APPBP2: variants seen among roughly 807,000 people sequenced by gnomAD.
The protein encoded by APPBP2 is amyloid beta precursor protein binding protein 2.
APPBP2 carries 15 observed loss-of-function variants against 76.0 expected under a neutral mutation model. The ratio of observed to expected loss-of-function variants is 0.20; its 90% CI spans 0.13 to 0.30. APPBP2 has a LOEUF of 0.30. APPBP2 is among the 10% of genes least tolerant of loss of function. The pLI is 1.00. For synonymous variants in APPBP2, 222 were observed against 242.2 expected, an observed-to-expected ratio of 0.92 and a Z score of 0.77; for missense variants, 401 against 687.2, an observed-to-expected ratio of 0.58 and a Z score of 4.66.
At chr17:60,522,920 C>T (rs73330247) in intron 1 of APPBP2, among the ~76,000 whole-genome samples, 12,436 of 151,876 alleles carry the variant, frequency 0.082, 1,688 homozygotes, top group African/African-American at 0.28. Context: ...TATGCTCTCC[C>T]TTCCCTGCTT....
intron 12 of APPBP2, among the ~76,000 whole-genome samples, chr17:60,448,600 T>A (rs79015090): frequency 0.016 from 2,374 of 152,332 alleles, 62 homozygotes; most frequent in African/African-American, 0.053. Flanking sequence ...CTTCACTCAA[T>A]GGCATATTAT....
intron 3 of APPBP2, among the ~76,000 whole-genome samples, chr17:60,488,978 T>C (rs894141132): frequency 3.3e-5 from 5 of 151,860 alleles, no homozygotes; most frequent in African/African-American, 1.2e-4. Context: ...ATCCCAGCAC[T>C]TTGGGAGACT....
At chr17:60,467,939 G>C (rs2090523948) in intron 4 of APPBP2, among the ~76,000 whole-genome samples, 1 of 152,184 alleles carries the variant, frequency 6.6e-6, no homozygotes, top group African/African-American at 2.4e-5. Flanking sequence ...AGAGAAATGA[G>C]AAGGGAGAGA....
chr17:60,458,650 C>T (rs371804690), intron 9 of APPBP2, among the ~76,000 whole-genome samples: 107 of 152,242 alleles, frequency 7.0e-4, no homozygotes, highest in African/African-American at 2.3e-3. Context: ...AATGAATGAG[C>T]ATGGCTATGT....
intron 5 of APPBP2, 85 bp from the exon 6 acceptor site, chr17:60,464,195 C>T (rs376541972): frequency 5.0e-5 from 47 of 949,400 alleles, no homozygotes; most frequent in East Asian, 4.8e-4. Flanking sequence ...AATTTTTCTA[C>T]AAGCACTTAA....
chr17:60,525,899 C>T lies in APPBP2; in HGVS notation c.33G>A (p.Glu11=). 6.2e-7 allele frequency: 1 copy of T among 1,613,982 alleles called. No homozygotes were observed. Among genetic ancestry groups the T allele is most frequent in the Non-Finnish European group, 8.5e-7 (1 of 1,179,980 alleles). The part of the protein sequence containing the change: MAAVELEWIP[E]TLYNTAISAV... Reference sequence around the variant, plus strand: ...CGGAGATGGCGGTGTTATAGAGAGTCTCTGGGATCCACTCTAGTTCCACGG... The same window carrying T: ...CGGAGATGGCGGTGTTATAGAGAGTTTCTGGGATCCACTCTAGTTCCACGG... The change falls in exon 1 of 13, where the codon GAG becomes GAA. Residue 11 remains glutamate, a synonymous_variant. Coordinates refer to ENST00000083182, the MANE Select transcript of APPBP2 (RefSeq NM_006380.5).
intron 4 of APPBP2, among the ~76,000 whole-genome samples, chr17:60,477,937 G>T (rs572399896): frequency 6.6e-6 from 1 of 151,640 alleles, no homozygotes; most frequent in East Asian, 1.9e-4. Flanking sequence ...CCCAGGAGTT[G>T]GAGACCAGAC....
At chr17:60,464,145 G>C in intron 5 of APPBP2, 35 bp from the exon 6 acceptor site, 1 of 1,524,142 alleles carries the variant, frequency 6.6e-7, no homozygotes, top group Non-Finnish European at 9.0e-7. Context: ...ACAGAACTGT[G>C]GTTAAATCAA....
At chr17:60,451,667 T>TG in intron 12 of APPBP2, among the ~76,000 whole-genome samples, 1 of 151,984 alleles carries the variant, frequency 6.6e-6, no homozygotes, top group Non-Finnish European at 1.5e-5. Context: ...TTAGTAGAGA[T>TG]GGGGTTTCAC....
At chr17:60,449,220 A>G (rs1355090374) in intron 12 of APPBP2, among the ~76,000 whole-genome samples, 1 of 152,250 alleles carries the variant, frequency 6.6e-6, no homozygotes, top group African/African-American at 2.4e-5. Flanking sequence ...CAAGTCAGTC[A>G]ATATATTATA....
At chr17:60,503,427 G>A (rs2090839244) in intron 1 of APPBP2, among the ~76,000 whole-genome samples, 1 of 142,570 alleles carries the variant, frequency 7.0e-6, no homozygotes, top group Non-Finnish European at 1.5e-5. Flanking sequence ...TGCTCTTGTT[G>A]CCCAGGCTGG....
At chr17:60,458,606 G>C (rs548682772) in intron 9 of APPBP2, among the ~76,000 whole-genome samples, 1 of 152,276 alleles carries the variant, frequency 6.6e-6, no homozygotes, top group Admixed American at 6.5e-5. Flanking sequence ...AACTCTGGCT[G>C]CTGTAGTGTG....
chr17:60,459,215 T>C (rs1404023174), intron 9 of APPBP2, among the ~76,000 whole-genome samples: 2 of 152,164 alleles, frequency 1.3e-5, no homozygotes, highest in Non-Finnish European at 2.9e-5. Flanking sequence ...AATGTCTGTA[T>C]AGTTTGGGTT....
chr17:60,516,698 T>C (rs548532916), intron 1 of APPBP2, among the ~76,000 whole-genome samples: 9 of 152,228 alleles, frequency 5.9e-5, no homozygotes, highest in Non-Finnish European at 1.2e-4. Context: ...AGTGTATATA[T>C]CTTGAAGTAG....
intron 1 of APPBP2, among the ~76,000 whole-genome samples, chr17:60,525,349 G>A (rs530160419): frequency 6.6e-6 from 1 of 152,328 alleles, no homozygotes; most frequent in South Asian, 2.1e-4. Context: ...CAAAACACTC[G>A]GGGAAGGAAG....
At chr17:60,449,672 A>T (rs981095751) in intron 12 of APPBP2, among the ~76,000 whole-genome samples, 3 of 151,168 alleles carry the variant, frequency 2.0e-5, no homozygotes, top group South Asian at 2.1e-4. Context: ...TGGGGAAAAA[A>T]ATTGATCCCT....
At chr17:60,515,819 G>C (rs1206433312) in intron 1 of APPBP2, among the ~76,000 whole-genome samples, 1 of 152,190 alleles carries the variant, frequency 6.6e-6, no homozygotes, top group Non-Finnish European at 1.5e-5. Context: ...TTATGAAGCT[G>C]TGTTTTCAGT....
chr17:60,452,476 A>G (rs1333883943), intron 11 of APPBP2, among the ~76,000 whole-genome samples: 3 of 152,198 alleles, frequency 2.0e-5, no homozygotes, highest in Non-Finnish European at 2.9e-5. Flanking sequence ...GTTAATTTAC[A>G]TGGGCATACA....
chr17:60,507,483 A>C (rs2090878113), intron 1 of APPBP2, among the ~76,000 whole-genome samples: 1 of 152,080 alleles, frequency 6.6e-6, no homozygotes, highest in African/African-American at 2.4e-5. Context: ...CAGCCTCCCA[A>C]AGTGCTGGGA....
Sources: allele counts gnomAD v4.1 joint callset (sites outside exome capture counted in the v4.1 genomes callset), GRCh38; gene constraint gnomAD v4.1.1; transcripts MANE v1.5; gene names NCBI Gene and HGNC (gene_info 2026-07-23, HGNC 2026-07-21).